DAB1: variants seen among roughly 807,000 people sequenced by gnomAD.
DAB1 encodes the protein DAB adaptor protein 1, also known as disabled homolog 1.
A neutral mutation model predicts 64.6 loss-of-function variants in DAB1; 15 were observed. That is an observed-to-expected ratio of 0.23 (90% confidence interval 0.16 to 0.36). The LOEUF (loss-of-function observed/expected upper bound fraction) is 0.36. DAB1 is among the 10% of genes least tolerant of loss of function. The pLI, the probability that DAB1 is intolerant of heterozygous loss-of-function variation, is 1.00. For synonymous variants in DAB1, 235 were observed against 251.9 expected, an observed-to-expected ratio of 0.93 and a Z score of 0.64; for missense variants, 596 against 706.7, an observed-to-expected ratio of 0.84 and a Z score of 1.78.
rs1465997605 is a variant in DAB1, at chr1:57,606,507, A to T, written n.625+43085T>A. Reference sequence around the variant, plus strand: ...AATACATATGAAATATATAATATATAATATAATATATATAATATATAATAT... The same window carrying T: ...AATACATATGAAATATATAATATATTATATAATATATATAATATATAATAT... On this transcript the variant is annotated intron_variant and non_coding_transcript_variant, in intron 7 of 20. Coordinates refer to the DAB1 transcript ENST00000485760. 4.4e-4 allele frequency among the ~76,000 whole-genome samples: 30 copies of T among 68,862 alleles called. No homozygotes were observed. In the Middle Eastern group the frequency reaches 0.024, roughly 55 times the overall value. 45.2% of individuals were successfully genotyped at this position (68,862 alleles called of 152,430 possible).
chr1:57,207,640 T>C (rs963313796), intron 2 of DAB1, among the ~76,000 whole-genome samples: 3 of 150,538 alleles, frequency 2.0e-5, no homozygotes, highest in African/African-American at 7.3e-5. Flanking sequence ...AGACGGGGTT[T>C]CACCGTTTTT....
intron 4 of DAB1, among the ~76,000 whole-genome samples, chr1:58,163,442 A>G (rs1655651294): frequency 6.6e-6 from 1 of 152,230 alleles, no homozygotes; most frequent in African/African-American, 2.4e-5. Context: ...TCTCTCCACA[A>G]CATCTATAAA....
intron 7 of DAB1, among the ~76,000 whole-genome samples, chr1:57,481,249 A>G (rs919110896): frequency 6.6e-6 from 1 of 152,134 alleles, no homozygotes; most frequent in Non-Finnish European, 1.5e-5. Context: ...AAAGATAGGG[A>G]GCTACCCACA....
chr1:57,195,740 G>A (rs1402522412), intron 2 of DAB1, among the ~76,000 whole-genome samples: 2 of 152,170 alleles, frequency 1.3e-5, no homozygotes, highest in Non-Finnish European at 2.9e-5. Context: ...TCAGTTTCCT[G>A]GGCCATGAAA....
At chr1:58,298,693 C>T (rs1662048199) in intron 4 of DAB1, among the ~76,000 whole-genome samples, 1 of 152,214 alleles carries the variant, frequency 6.6e-6, no homozygotes, top group African/African-American at 2.4e-5. Context: ...CTGAGCCAAA[C>T]AAATGCTCTG....
chr1:57,624,866 T>G (rs538946422), intron 7 of DAB1, among the ~76,000 whole-genome samples: 2 of 152,376 alleles, frequency 1.3e-5, no homozygotes, highest in South Asian at 4.1e-4. Context: ...AAATGCCTTC[T>G]TTCTCTAATG....
chr1:57,201,750 T>C (rs984243136), intron 2 of DAB1, among the ~76,000 whole-genome samples: 3 of 152,210 alleles, frequency 2.0e-5, no homozygotes, highest in Non-Finnish European at 4.4e-5. Flanking sequence ...ATTAGCTGGA[T>C]GTCTTTCATA....
At chr1:57,618,632 A>G (rs1645818355) in intron 7 of DAB1, among the ~76,000 whole-genome samples, 1 of 152,188 alleles carries the variant, frequency 6.6e-6, no homozygotes, top group African/African-American at 2.4e-5. Flanking sequence ...CCAAGTCACC[A>G]AGTGGTGATA....
chr1:58,264,301 G>T (rs749958348), intron 4 of DAB1, among the ~76,000 whole-genome samples: 1 of 152,194 alleles, frequency 6.6e-6, no homozygotes, highest in Non-Finnish European at 1.5e-5. Context: ...AGACCTTAGA[G>T]ACCATCTATT....
chr1:58,292,716 G>A (rs1444266709), intron 4 of DAB1, among the ~76,000 whole-genome samples: 3 of 152,264 alleles, frequency 2.0e-5, no homozygotes, highest in African/African-American at 7.2e-5. Flanking sequence ...CTGAGAAGTT[G>A]ATTGGGTACT....
At chr1:58,451,433 G>A (rs1645135722) in intron 3 of DAB1, among the ~76,000 whole-genome samples, 1 of 152,130 alleles carries the variant, frequency 6.6e-6, no homozygotes, top group East Asian at 1.9e-4. Context: ...ATCCTGAATT[G>A]GATCCTAGAG....
chr1:58,358,799 T>C (rs1644134694), intron 3 of DAB1, among the ~76,000 whole-genome samples: 2 of 152,132 alleles, frequency 1.3e-5, no homozygotes, highest in Non-Finnish European at 2.9e-5. Context: ...TAATGTGCTA[T>C]GTCTCCTTTT....
chr1:58,048,740 C>T, intron 5 of DAB1: 2 of 1,303,756 alleles, frequency 1.5e-6, no homozygotes, highest in Non-Finnish European at 2.2e-6. Context: ...CTAGCCATCT[C>T]TTGCTTTGAC....
intron 6 of DAB1, among the ~76,000 whole-genome samples, chr1:57,742,397 G>A (rs529699828): frequency 6.6e-6 from 1 of 152,170 alleles, no homozygotes; most frequent in Non-Finnish European, 1.5e-5. Context: ...AAGGATGGGG[G>A]ATGGAGAAAA....
chr1:58,276,127 CAG>C (rs1489521981), intron 4 of DAB1, among the ~76,000 whole-genome samples: 23 of 152,192 alleles, frequency 1.5e-4, no homozygotes, highest in African/African-American at 5.3e-4. Flanking sequence ...TTCATAGAGA[CAG>C]AAAATAGAAT....
intron 1 of DAB1, among the ~76,000 whole-genome samples, chr1:57,310,000 C>T (rs181770178): frequency 5.5e-4 from 84 of 152,348 alleles, no homozygotes; most frequent in Non-Finnish European, 1.1e-3. Flanking sequence ...CCACTCCAAA[C>T]ACGTTTATTT....
Position 58,130,830 on chromosome 1 carries a change from G to A in DAB1, n.387+19681C>T, listed in dbSNP as rs1466140428. Among the ~76,000 whole-genome samples the A allele has an allele frequency of 1.2e-4, 19 of 152,260 alleles. No homozygotes were observed. In the East Asian group the frequency reaches 1.4e-3, roughly 11 times the overall value. On this transcript the variant is annotated intron_variant and non_coding_transcript_variant, in intron 5 of 20. Coordinates refer to the DAB1 transcript ENST00000485760. ...TAGGGTTTCTGCCGAGAGATCCGCC[G>A]TTAGTCTGATGGGCTTCCCTTTGAG... is the stretch of plus-strand genomic sequence containing the variant.
chr1:58,209,647 G>A (rs140208777), intron 4 of DAB1, among the ~76,000 whole-genome samples: 60 of 152,284 alleles, frequency 3.9e-4, no homozygotes, highest in African/African-American at 1.3e-3. Flanking sequence ...AATGGAAGAC[G>A]TAAGCAAATT....
intron 5 of DAB1, among the ~76,000 whole-genome samples, chr1:57,967,445 G>A (rs1444579756): frequency 1.3e-5 from 2 of 152,270 alleles, no homozygotes; most frequent in Admixed American, 6.5e-5. Flanking sequence ...CTTAACCTAG[G>A]TATACCTGAA....
Sources: gnomAD v4.1 joint callset for allele counts (sites outside exome capture counted in the v4.1 genomes callset) on GRCh38, gnomAD v4.1.1 for gene constraint, MANE v1.5 for transcripts, NCBI Gene and HGNC (gene_info 2026-07-23, HGNC 2026-07-21) for gene names.